The following TMLHE variants were observed in gnomAD, a reference collection of about 807,000 sequenced individuals.
TMLHE encodes trimethyllysine dioxygenase, mitochondrial.
A neutral mutation model predicts 25.7 loss-of-function variants in TMLHE; 18 were observed. The observed-to-expected ratio is 0.70, with a 90% confidence interval of 0.48 to 1.04. The LOEUF (loss-of-function observed/expected upper bound fraction) is 1.04, where lower values mean the gene tolerates loss of function less well. Ranked by LOEUF, TMLHE falls within the 50% of genes least tolerant of loss-of-function variation. The pLI, the probability that TMLHE is intolerant of heterozygous loss-of-function variation, is 0.00. For missense variants in TMLHE, 236 were observed against 259.0 expected (o/e 0.91, Z 0.61); for synonymous variants, 105 against 97.0 (o/e 1.08, Z -0.49).
At chrX:155,556,391 T>C (rs2067455817) in intron 1 of TMLHE, among the ~76,000 whole-genome samples, 1 of 111,076 alleles carries the variant, frequency 9.0e-6, no homozygotes, top group African/African-American at 3.3e-5. Context: ...AAGCATCGGC[T>C]GGCTTGAGAA....
At chrX:155,590,987 A>T (rs1166731931) in intron 1 of TMLHE, among the ~76,000 whole-genome samples, 1 of 111,711 alleles carries the variant, frequency 9.0e-6, no homozygotes, top group African/African-American at 3.2e-5. Flanking sequence ...CTTTACAGTC[A>T]AAGAAACAAG....
intron 2 of TMLHE, among the ~76,000 whole-genome samples, chrX:155,532,384 G>A (rs1387072507): frequency 8.9e-6 from 1 of 111,994 alleles, no homozygotes; most frequent in African/African-American, 3.2e-5. Flanking sequence ...CAGGAGAGAA[G>A]CAGAATGGAC....
chrX:155,514,962 G>A (rs1263274462), intron 3 of TMLHE, among the ~76,000 whole-genome samples: 1 of 111,826 alleles, frequency 8.9e-6, no homozygotes, highest in Admixed American at 9.5e-5. Flanking sequence ...AGCAAAGGAA[G>A]CAGCAGAAGG....
intron 2 of TMLHE, among the ~76,000 whole-genome samples, chrX:155,528,306 C>CTTTA (rs1305892980): frequency 2.3e-5 from 2 of 88,183 alleles, no homozygotes; most frequent in African/African-American, 7.7e-5. Context: ...TTCTCTTGTA[C>CTTTA]TTTATTTATT....
At position 155,567,061 on chromosome X, in the gene TMLHE, C is replaced by T. The variant is rs1333258805; in HGVS notation, c.-1-21784G>A. Among the ~76,000 whole-genome samples, 11 of 62,441 alleles carry T rather than the reference C, an allele frequency of 1.8e-4. 4 individuals are homozygous for T. Among genetic ancestry groups the T allele is most frequent in the South Asian group, 1.9e-3 (2 of 1,071 alleles). The allele number at this position is 62,441 out of a possible 115,157, so 54.2% of individuals were successfully genotyped here. ...AGAGTAAATTTACTTGTAACCTCCA[C>T]AGTGTCAAACATATACTAAGAACTT... is the stretch of plus-strand genomic sequence containing the variant. On this transcript the variant is annotated intron_variant, in intron 1 of 7. Coordinates refer to ENST00000334398, the MANE Select transcript of TMLHE (RefSeq NM_018196.4).
rs782509140 is a variant in TMLHE, at chrX:155,545,124, A to G, written c.153T>C (p.Cys51=). Residue 51 remains cysteine (C), a synonymous_variant, in exon 2 of 8, where the codon TGT becomes TGC. Coordinates refer to ENST00000334398, the MANE Select transcript of TMLHE (RefSeq NM_018196.4). ...AATGATCTTCATGTTGCTGCCAAGC[A>G]CAAGTCAGAGACTTGGAGGCTGTAT... is the stretch of plus-strand genomic sequence containing the variant. ...WHHTASKSLT[C]AWQQHEDHFE... The G allele has an allele frequency of 2.2e-5, 26 of 1,207,736 alleles. No homozygotes were observed. The South Asian group carries it at 3.9e-4, about 18-fold the overall frequency.
At chrX:155,570,581 T>G (rs1196202141) in intron 1 of TMLHE, among the ~76,000 whole-genome samples, 8 of 56,821 alleles carry the variant, frequency 1.4e-4, no homozygotes, top group African/African-American at 3.4e-4. Context: ...ACCACATAGT[T>G]GGAAGTAAAG....
At chrX:155,585,646 G>A (rs2067659597) in intron 1 of TMLHE, among the ~76,000 whole-genome samples, 1 of 111,521 alleles carries the variant, frequency 9.0e-6, no homozygotes, top group Non-Finnish European at 1.9e-5. Flanking sequence ...GCATTAGACA[G>A]ATCATCTAGA....
intron 5 of TMLHE, among the ~76,000 whole-genome samples, chrX:155,508,871 C>A (rs1157303823): frequency 5.4e-5 from 6 of 110,628 alleles, no homozygotes; most frequent in African/African-American, 2.0e-4. Context: ...AGCTATTATT[C>A]TTTTAATAAT....
At chrX:155,591,272 T>C (rs1557345893) in intron 1 of TMLHE, among the ~76,000 whole-genome samples, 1 of 111,591 alleles carries the variant, frequency 9.0e-6, no homozygotes, top group African/African-American at 3.2e-5. Context: ...CTCTTAATAA[T>C]GGATATAACA....
intron 1 of TMLHE, among the ~76,000 whole-genome samples, chrX:155,577,966 T>C (rs1418151907): frequency 8.9e-6 from 1 of 111,735 alleles, no homozygotes; most frequent in Non-Finnish European, 1.9e-5. Context: ...CCACCCTATA[T>C]GGTGACAGGA....
chrX:155,547,299 C>T (rs1385183987), intron 1 of TMLHE, among the ~76,000 whole-genome samples: 3 of 96,694 alleles, frequency 3.1e-5, no homozygotes, highest in South Asian at 5.4e-4. Context: ...CACCTGCCAC[C>T]ACGCCCGGCT....
At chrX:155,547,306 G>A (rs1250701530) in intron 1 of TMLHE, among the ~76,000 whole-genome samples, 4 of 99,113 alleles carry the variant, frequency 4.0e-5, no homozygotes, top group East Asian at 3.2e-4. Context: ...CACCACGCCC[G>A]GCTAATTTTT....
chrX:155,548,478 G>A (rs1291298979), intron 1 of TMLHE, among the ~76,000 whole-genome samples: 4 of 108,902 alleles, frequency 3.7e-5, no homozygotes, highest in African/African-American at 1.1e-4. Flanking sequence ...GCTCATGCCT[G>A]AAATCCCAGC....
intron 1 of TMLHE, among the ~76,000 whole-genome samples, chrX:155,548,356 G>A (rs782429645): frequency 1.8e-5 from 2 of 111,921 alleles, no homozygotes; most frequent in South Asian, 7.5e-4. Context: ...ATCTGACAAG[G>A]GATTAATAAT....
chrX:155,514,293 A>C, intron 3 of TMLHE, 28 bp from the exon 4 acceptor site: 5 of 1,158,353 alleles, frequency 4.3e-6, no homozygotes, highest in Non-Finnish European at 5.8e-6. Context: ...AAAAGGCACT[A>C]TAATAATTAC....
intron 3 of TMLHE, among the ~76,000 whole-genome samples, chrX:155,516,015 T>TC (rs2067151571): frequency 1.2e-5 from 1 of 86,804 alleles, no homozygotes; most frequent in Non-Finnish European, 2.3e-5. Flanking sequence ...CTTTTCTTCT[T>TC]TTTTTTTTTT....
At chrX:155,555,574 C>G (rs1474414861) in intron 1 of TMLHE, among the ~76,000 whole-genome samples, 2 of 110,327 alleles carry the variant, frequency 1.8e-5, no homozygotes, top group Non-Finnish European at 3.8e-5. Context: ...GCCATTCTAA[C>G]TGGCGTGAGA....
intron 3 of TMLHE, among the ~76,000 whole-genome samples, chrX:155,518,592 A>G (rs2067172465): frequency 1.1e-5 from 1 of 94,205 alleles, no homozygotes; most frequent in African/African-American, 3.5e-5. Flanking sequence ...TTCAGAAGGA[A>G]TGGTACCAGT....
Sources: allele counts gnomAD v4.1 joint callset (sites outside exome capture counted in the v4.1 genomes callset), GRCh38; gene constraint gnomAD v4.1.1; transcripts MANE v1.5; gene names NCBI Gene and HGNC (gene_info 2026-07-23, HGNC 2026-07-21).